The following SAMD12 variants were observed in gnomAD, a reference collection of about 807,000 sequenced individuals.
SAMD12 encodes sterile alpha motif domain containing 12.
SAMD12 carries 9 observed loss-of-function variants against 15.0 expected under a neutral mutation model. The ratio of observed to expected loss-of-function variants is 0.60; its 90% CI spans 0.36 to 1.05. The LOEUF is 1.05. Ranked by LOEUF, SAMD12 falls within the 50% of genes least tolerant of loss-of-function variation. SAMD12 has a pLI of 0.01. For missense variants in SAMD12, 230 were observed against 234.2 expected (o/e 0.98, Z 0.12); for synonymous variants, 86 against 90.1 (o/e 0.96, Z 0.25).
intron 4 of SAMD12, among the ~76,000 whole-genome samples, chr8:118,350,936 T>C (rs1394817531): frequency 6.6e-6 from 1 of 152,224 alleles, no homozygotes; most frequent in Non-Finnish European, 1.5e-5. Flanking sequence ...TTTCTCAGTG[T>C]CATTCCTAGT....
chr8:118,191,807 T>TGG (rs1819404715), exon 5 of SAMD12: 3 of 15,946 alleles, frequency 1.9e-4, no homozygotes, highest in Non-Finnish European at 4.3e-4. Flanking sequence ...TATATATATA[T>TGG]ATATAGAGAG....
chr8:118,596,521 C>T (rs977936912), intron 1 of SAMD12, among the ~76,000 whole-genome samples: 7 of 152,186 alleles, frequency 4.6e-5, no homozygotes, highest in Non-Finnish European at 1.0e-4. Flanking sequence ...TATAATCTGG[C>T]TCTTCCACCT....
intron 2 of SAMD12, among the ~76,000 whole-genome samples, chr8:118,553,875 C>A (rs1240654714): frequency 1.3e-5 from 2 of 149,174 alleles, no homozygotes; most frequent in East Asian, 3.9e-4. Context: ...GGGCGAAGGA[C>A]ATGAACAGAC....
chr8:118,565,565 G>A (rs150614285), intron 2 of SAMD12, among the ~76,000 whole-genome samples: 12 of 152,304 alleles, frequency 7.9e-5, no homozygotes, highest in Non-Finnish European at 1.0e-4. Flanking sequence ...CACACACCTC[G>A]TGTGACAAGT....
chr8:118,536,355 T>C (rs1312362366), intron 2 of SAMD12, among the ~76,000 whole-genome samples: 1 of 152,092 alleles, frequency 6.6e-6, no homozygotes, highest in Non-Finnish European at 1.5e-5. Flanking sequence ...GTTACCTCTG[T>C]AATATATTTA....
In SAMD12 at chr8:118,411,942, T is replaced by TGCA. The variant is rs1821430265; in HGVS notation, c.322+27889_322+27890insTGC. Among the ~76,000 whole-genome samples the TGCA allele has an allele frequency of 5.9e-5, 9 of 152,322 alleles. No individual in the cohort carries two copies. In the South Asian group the frequency reaches 1.7e-3, roughly 28 times the overall value. ...GGCCAAATTTGGGCAGTGTCCTGGTTGTGTATGTCCAGTGATCTAAGGATT... is the reference window on the plus strand; with the variant it reads ...GGCCAAATTTGGGCAGTGTCCTGGTTGCAGTGTATGTCCAGTGATCTAAGGATT... On this transcript the variant is annotated intron_variant, in intron 3 of 3. Coordinates refer to ENST00000314727, the MANE Select transcript of SAMD12 (RefSeq NM_207506.3).
intron 4 of SAMD12, among the ~76,000 whole-genome samples, chr8:118,327,840 C>T (rs1292445998): frequency 6.6e-6 from 1 of 152,032 alleles, no homozygotes; most frequent in Admixed American, 6.6e-5. Flanking sequence ...GCACCAAGGT[C>T]CTGACATCTC....
At chr8:118,337,760 T>C (rs546127187) in intron 4 of SAMD12, among the ~76,000 whole-genome samples, 2 of 152,240 alleles carry the variant, frequency 1.3e-5, no homozygotes, top group South Asian at 2.1e-4. Flanking sequence ...TAGTAATTGA[T>C]CCAAAGCTCA....
Position 118,196,733 on chromosome 8 carries a change from G to T in SAMD12, c.*977C>A, listed in dbSNP as rs1267373543. The T allele has an allele frequency of 2.0e-5, 3 of 152,134 alleles. No individual in the cohort carries two copies. The East Asian group carries it at 5.8e-4, about 29-fold the overall frequency. 9.4% of individuals were successfully genotyped at this position (152,134 alleles called of 1,614,324 possible). A position where few individuals can be genotyped will look rare whatever the true frequency, so the allele number is the denominator to read the frequency against. Reference sequence around the variant, plus strand: ...TAACGTCAGACCACACAAAAGAATTGCATTCTGTTGCCCTTACCATCCATC... The same window carrying T: ...TAACGTCAGACCACACAAAAGAATTTCATTCTGTTGCCCTTACCATCCATC... On this transcript the variant is annotated 3_prime_UTR_variant, in exon 5 of 5. Coordinates refer to the SAMD12 transcript ENST00000409003.
At chr8:118,446,421 C>A (rs181136505) in intron 2 of SAMD12, among the ~76,000 whole-genome samples, 2 of 152,218 alleles carry the variant, frequency 1.3e-5, no homozygotes, top group African/African-American at 4.8e-5. Flanking sequence ...GTTAGTAAAC[C>A]TAAATTATGA....
intron 2 of SAMD12, among the ~76,000 whole-genome samples, chr8:118,547,024 T>TCCGCGGCCTGC (rs1826149447): frequency 6.6e-6 from 1 of 152,210 alleles, no homozygotes; most frequent in Non-Finnish European, 1.5e-5. Flanking sequence ...GTTTACAGAA[T>TCCGCGGCCTGC]ATTCAGACTT....
At chr8:118,407,499 C>T (rs1169271265) in intron 3 of SAMD12, among the ~76,000 whole-genome samples, 9 of 152,126 alleles carry the variant, frequency 5.9e-5, no homozygotes. Context: ...CAAGTAAACC[C>T]AGAGGGGAAA....
intron 3 of SAMD12, among the ~76,000 whole-genome samples, chr8:118,432,867 C>CT (rs1822456125): frequency 6.6e-6 from 1 of 152,102 alleles, no homozygotes; most frequent in African/African-American, 2.4e-5. Flanking sequence ...ACCACCACCA[C>CT]TGACAACAAC....
chr8:118,448,946 T>C (rs1563866793), intron 2 of SAMD12, among the ~76,000 whole-genome samples: 1 of 152,216 alleles, frequency 6.6e-6, no homozygotes, highest in African/African-American at 2.4e-5. Context: ...CTCCCACATA[T>C]AATGTTTACC....
intron 2 of SAMD12, among the ~76,000 whole-genome samples, chr8:118,444,428 C>T (rs916738862): frequency 1.3e-5 from 2 of 152,096 alleles, no homozygotes; most frequent in Admixed American, 6.5e-5. Flanking sequence ...TACAGACAAT[C>T]TGAAAGTGAA....
intron 4 of SAMD12, among the ~76,000 whole-genome samples, chr8:118,259,820 G>A (rs1342079943): frequency 2.6e-5 from 4 of 152,012 alleles, no homozygotes; most frequent in Admixed American, 6.6e-5. Flanking sequence ...CAAAACCACC[G>A]TTCTTTAGAC....
At chr8:118,223,947 C>G (rs1222573018) in intron 4 of SAMD12, among the ~76,000 whole-genome samples, 2 of 152,132 alleles carry the variant, frequency 1.3e-5, no homozygotes, top group Non-Finnish European at 2.9e-5. Flanking sequence ...CATCAATAAA[C>G]AAGTAAGGGT....
chr8:118,502,019 C>CAAA lies in SAMD12; in HGVS notation c.193-62061_193-62059dup, dbSNP rs778485490. Among the ~76,000 whole-genome samples the CAAA allele has an allele frequency of 4.6e-3, 374 of 80,472 alleles. 2 individuals are homozygous for CAAA. The highest frequency in any genetic ancestry group is 0.015 in the African/African-American group (356 of 23,886). The allele number at this position is 80,472 out of a possible 152,430, so 52.8% of individuals were successfully genotyped here. A position where few individuals can be genotyped will look rare whatever the true frequency, so the allele number is the denominator to read the frequency against. On this transcript the variant is annotated intron_variant, in intron 2 of 3. Coordinates refer to ENST00000314727, the MANE Select transcript of SAMD12 (RefSeq NM_207506.3). The stretch of plus-strand genomic sequence containing the variant: ...TGGGCAACAGAGCGAGACTCCGTCT[C>CAAA]AAAAAAAAAAAAAAAAAAAAAGATG...
At chr8:118,570,417 G>A (rs1487568404) in intron 2 of SAMD12, among the ~76,000 whole-genome samples, 1 of 152,050 alleles carries the variant, frequency 6.6e-6, no homozygotes, top group East Asian at 1.9e-4. Flanking sequence ...ATATCCATGT[G>A]TTCTCATGAT....
Sources: allele counts gnomAD v4.1 joint callset (sites outside exome capture counted in the v4.1 genomes callset), GRCh38; gene constraint gnomAD v4.1.1; transcripts MANE v1.5; gene names NCBI Gene and HGNC (gene_info 2026-07-23, HGNC 2026-07-21).